Variants in PTPRQ observed in about 807,000 individuals in gnomAD.
PTPRQ encodes protein tyrosine phosphatase receptor type Q, also known as phosphatidylinositol phosphatase PTPRQ.
PTPRQ carries 199 observed loss-of-function variants against 246.0 expected under a neutral mutation model. The ratio of observed to expected loss-of-function variants is 0.81; its 90% confidence interval spans 0.72 to 0.91. PTPRQ has a LOEUF of 0.91. Among genes scored for constraint, PTPRQ ranks in the 40% least tolerant of loss-of-function variants. The probability of loss-of-function intolerance (pLI) is 0.00; values close to 1 mark genes in which losing one functional copy is unlikely to be tolerated. For missense variants in PTPRQ, 2,624 were observed against 2,528.4 expected (o/e 1.04, Z -0.81); for synonymous variants, 869 against 853.2 (o/e 1.02, Z -0.32).
chr12:80,676,230 G>A (rs1901132379), intron 43 of PTPRQ, among the ~76,000 whole-genome samples: 1 of 152,102 alleles, frequency 6.6e-6, no homozygotes. Context: ...TTTCTATGAG[G>A]AATATTCCTG....
At chr12:80,605,247 G>A in intron 27 of PTPRQ, 67 bp downstream of exon 27, 1 of 1,496,894 alleles carries the variant, frequency 6.7e-7, no homozygotes, top group Non-Finnish European at 8.9e-7. Context: ...TTTGGAACCA[G>A]ACTATTTGAA....
At chr12:80,558,121 T>TTCTTTTCTTC (rs1006253153) in intron 25 of PTPRQ, among the ~76,000 whole-genome samples, 3 of 80,352 alleles carry the variant, frequency 3.7e-5, no homozygotes, top group East Asian at 3.1e-4. Flanking sequence ...TTTTCTTTCT[T>TTCTTTTCTTC]TCTTTTCTTT....
At chr12:80,461,023 C>A in intron 6 of PTPRQ, 121 bp downstream of exon 6, 1 of 389,788 alleles carries the variant, frequency 2.6e-6, no homozygotes, top group Non-Finnish European at 4.5e-6. Flanking sequence ...TAATAATATA[C>A]CATAGGCATC....
At chr12:80,646,536 G>A (rs1420005696) in intron 35 of PTPRQ, among the ~76,000 whole-genome samples, 1 of 152,168 alleles carries the variant, frequency 6.6e-6, no homozygotes, top group African/African-American at 2.4e-5. Context: ...GTCATTGGTT[G>A]ATGGATGTTT....
chr12:80,554,080 G>GA (rs1017193271), intron 25 of PTPRQ, among the ~76,000 whole-genome samples: 3 of 151,832 alleles, frequency 2.0e-5, no homozygotes, highest in African/African-American at 7.3e-5. Flanking sequence ...GGAGGGGCAG[G>GA]GGGGGTAGGA....
intron 25 of PTPRQ, among the ~76,000 whole-genome samples, chr12:80,553,132 A>G (rs1167937700): frequency 6.6e-6 from 1 of 152,124 alleles, no homozygotes; most frequent in Non-Finnish European, 1.5e-5. Context: ...ATTATTTTTC[A>G]TAGAGGTTTT....
In PTPRQ at chr12:80,652,731, C is replaced by A. The variant is rs1565842554; in HGVS notation, c.6025-13C>A. On this transcript the variant is annotated splice_polypyrimidine_tract_variant and intron_variant, in intron 37 of 44. Transcript: ENST00000644991. ...CTGATAAATGTAAACTTTGTAATGA[C>A]TTTATTTTACAGGAATTACCAAAAT... is the stretch of plus-strand genomic sequence containing the variant. The A allele has an allele frequency of 6.7e-7, 1 of 1,488,454 alleles. No homozygotes were observed. Among genetic ancestry groups the A allele is most frequent in the Admixed American group, 2.5e-5 (1 of 39,576 alleles). The allele number at this position is 1,488,454 out of a possible 1,614,324, so 92.2% of individuals were successfully genotyped here.
chr12:80,652,629 T>C (rs1247510798), intron 37 of PTPRQ, 115 bp from the exon 38 acceptor site: 2 of 1,003,218 alleles, frequency 2.0e-6, no homozygotes, highest in East Asian at 3.3e-5. Context: ...TTATGATAGG[T>C]GTTTTTAATT....
chr12:80,502,595 T>C (rs987131178), intron 14 of PTPRQ, among the ~76,000 whole-genome samples: 1 of 151,894 alleles, frequency 6.6e-6, no homozygotes, highest in Admixed American at 6.6e-5. Context: ...TGGATATTGC[T>C]AGGAAGTGAT....
At chr12:80,545,810 G>T (rs893833658) in intron 23 of PTPRQ, among the ~76,000 whole-genome samples, 1 of 148,564 alleles carries the variant, frequency 6.7e-6, no homozygotes, top group African/African-American at 2.5e-5. Context: ...TTACTGTTTT[G>T]CCAGTGTCTA....
chr12:80,508,767 A>T (rs1173221915), intron 16 of PTPRQ, among the ~76,000 whole-genome samples: 1 of 152,058 alleles, frequency 6.6e-6, no homozygotes, highest in Non-Finnish European at 1.5e-5. Flanking sequence ...TTTTAGATAG[A>T]CATGTTAATT....
intron 24 of PTPRQ, among the ~76,000 whole-genome samples, chr12:80,548,935 G>C (rs550372949): frequency 1.3e-5 from 2 of 152,064 alleles, no homozygotes; most frequent in Non-Finnish European, 2.9e-5. Context: ...TTCCAATGAT[G>C]TCTACAAAAG....
intron 10 of PTPRQ, among the ~76,000 whole-genome samples, chr12:80,494,363 G>A (rs564084246): frequency 1.6e-4 from 25 of 152,092 alleles, no homozygotes; most frequent in Non-Finnish European, 3.4e-4. Flanking sequence ...TTATTTGTCA[G>A]TTATCCAAGC....
intron 25 of PTPRQ, among the ~76,000 whole-genome samples, chr12:80,587,623 AT>A (rs1167993516): frequency 7.9e-5 from 12 of 152,190 alleles, no homozygotes; most frequent in South Asian, 2.1e-4. Flanking sequence ...ATAAAAAAAA[AT>A]AGATGAATTA....
At chr12:80,651,029 T>C (rs1374750041) in intron 37 of PTPRQ, among the ~76,000 whole-genome samples, 1 of 152,060 alleles carries the variant, frequency 6.6e-6, no homozygotes, top group Non-Finnish European at 1.5e-5. Context: ...ATCTTAAATA[T>C]TTATAAGTTC....
rs373812232 is a variant in PTPRQ, at chr12:80,599,193, A to T, written c.4610-5866A>T. On this transcript the variant is annotated intron_variant, in intron 26 of 44. Transcript: ENST00000644991. ...ATTCCTGTGCAAGGATAGAAGCATGATAATCAGGAAATGATGGTTGTTAGT... is the reference window on the plus strand; with the variant it reads ...ATTCCTGTGCAAGGATAGAAGCATGTTAATCAGGAAATGATGGTTGTTAGT... Among the ~76,000 whole-genome samples the T allele has an allele frequency of 4.6e-5, 7 of 152,080 alleles. No homozygotes were observed. The East Asian group carries it at 7.8e-4, about 17-fold the overall frequency.
chr12:80,647,027 C>T (rs550676677), intron 35 of PTPRQ, among the ~76,000 whole-genome samples: 3 of 152,108 alleles, frequency 2.0e-5, no homozygotes, highest in Non-Finnish European at 4.4e-5. Context: ...CAAATGTATA[C>T]TGATGCTTCA....
chr12:80,664,004 A>G (rs943270409), intron 39 of PTPRQ, among the ~76,000 whole-genome samples: 2 of 151,526 alleles, frequency 1.3e-5, no homozygotes, highest in African/African-American at 2.4e-5. Flanking sequence ...CCTCTATTGT[A>G]TATATCCTCA....
rs1358438700 is a variant in PTPRQ at position 80,619,430 on chromosome 12, A to G, written c.5277A>G (p.Thr1759=). 1.3e-6 allele frequency: 2 copies of G among 1,548,214 alleles called. No individual in the cohort carries two copies. Among genetic ancestry groups the G allele is most frequent in the South Asian group, 2.4e-5 (2 of 83,846 alleles). The change falls in exon 31 of 45, where the codon ACA becomes ACG. Residue 1759 remains threonine, a synonymous_variant. Transcript: ENST00000644991. ...KTKPTPIYDA[T]GKLLVTSTTI... ...AACCAACCCCTATTTATGATGCCAC[A>G]GGAAAACTGCTTGTGACTTCAACAA...
Sources: allele counts gnomAD v4.1 joint callset (sites outside exome capture counted in the v4.1 genomes callset), GRCh38; gene constraint gnomAD v4.1.1; transcripts MANE v1.5; gene names NCBI Gene and HGNC (gene_info 2026-07-23, HGNC 2026-07-21).